Variants in ARFGAP3 observed in about 807,000 individuals in gnomAD.
ARFGAP3 encodes ARF GTPase activating protein 3, also known as ADP-ribosylation factor GTPase-activating protein 3.
ARFGAP3 carries 72 observed loss-of-function variants against 75.0 expected under a neutral mutation model. The observed-to-expected ratio is 0.96, with a 90% confidence interval of 0.79 to 1.17. The LOEUF is 1.17. Among genes scored for constraint, ARFGAP3 ranks in the 50% most tolerant of loss-of-function variants. The pLI, the probability that ARFGAP3 is intolerant of heterozygous loss-of-function variation, is 0.00. For synonymous variants in ARFGAP3, 221 were observed against 217.9 expected (o/e 1.01, Z -0.13); for missense variants, 620 against 626.6 (o/e 0.99, Z 0.11).
Position 42,847,531 on chromosome 22 carries a change from A to G in ARFGAP3, c.171T>C (p.Val57=), listed in dbSNP as rs140094590. Reference sequence around the variant, plus strand: ...TCACTTACCGAATAAAACTCAAGTGAACACCAAGTGACCGGTGGGACCCTG... The same window carrying G: ...TCACTTACCGAATAAAACTCAAGTGGACACCAAGTGACCGGTGGGACCCTG... ...DCSGSHRSLG[V]HLSFIRSTEL... Residue 57 remains valine, a synonymous_variant, in exon 2 of 16, where the codon GTT becomes GTC. Transcript: ENST00000263245. 6.2e-7 allele frequency: 1 copy of G among 1,613,274 alleles called. No homozygotes were observed. Among genetic ancestry groups the G allele is most frequent in the African/African-American group, 1.3e-5 (1 of 74,902 alleles).
intron 6 of ARFGAP3, among the ~76,000 whole-genome samples, chr22:42,827,452 C>T (rs1190923358): frequency 3.3e-5 from 5 of 152,144 alleles, no homozygotes; most frequent in African/African-American, 9.7e-5. Flanking sequence ...CTGCAACCTT[C>T]GCCTCCCGGG....
intron 9 of ARFGAP3, among the ~76,000 whole-genome samples, chr22:42,820,646 T>C (rs1301500751): frequency 6.6e-6 from 1 of 152,100 alleles, no homozygotes; most frequent in Non-Finnish European, 1.5e-5. Flanking sequence ...ACAGATAAAA[T>C]ACACATGAAA....
intron 6 of ARFGAP3, among the ~76,000 whole-genome samples, chr22:42,829,064 C>T (rs1437275451): frequency 1.3e-5 from 2 of 152,134 alleles, no homozygotes; most frequent in Non-Finnish European, 2.9e-5. Context: ...AGATATATAA[C>T]GCACTGTTCC....
At chr22:42,843,003 T>G (rs1200236151) in intron 2 of ARFGAP3, among the ~76,000 whole-genome samples, 2 of 151,998 alleles carry the variant, frequency 1.3e-5, no homozygotes, top group Admixed American at 6.6e-5. Context: ...CACCCTCACT[T>G]TCAAGAGAAG....
intron 11 of ARFGAP3, among the ~76,000 whole-genome samples, chr22:42,815,775 A>G (rs1443467719): frequency 1.3e-5 from 2 of 152,100 alleles, no homozygotes; most frequent in East Asian, 3.9e-4. Context: ...TGCTAACCCA[A>G]AGGTGGTCCT....
intron 9 of ARFGAP3, 171 bp from the exon 10 acceptor site, chr22:42,818,028 C>T (rs908396480): frequency 7.6e-6 from 4 of 523,332 alleles, no homozygotes; most frequent in African/African-American, 2.1e-5. Flanking sequence ...TTTGAACAGA[C>T]GTTTAAGAAA....
intron 11 of ARFGAP3, among the ~76,000 whole-genome samples, chr22:42,813,737 T>C (rs1488597743): frequency 6.6e-6 from 1 of 152,090 alleles, no homozygotes; most frequent in African/African-American, 2.4e-5. Flanking sequence ...GACTGGCAAC[T>C]CACTAAGAGG....
intron 2 of ARFGAP3, among the ~76,000 whole-genome samples, chr22:42,846,651 T>C (rs976813472): frequency 1.1e-4 from 16 of 152,238 alleles, no homozygotes; most frequent in South Asian, 4.1e-4. Flanking sequence ...CTTTGTGATA[T>C]TAGTGTCCTT....
intron 6 of ARFGAP3, among the ~76,000 whole-genome samples, chr22:42,830,324 C>T (rs1474567468): frequency 6.6e-6 from 1 of 152,118 alleles, no homozygotes. Flanking sequence ...CTCTGGGACA[C>T]AGCTGAGTGC....
intron 6 of ARFGAP3, among the ~76,000 whole-genome samples, chr22:42,829,956 C>T (rs1243836793): frequency 6.6e-6 from 1 of 152,200 alleles, no homozygotes; most frequent in Non-Finnish European, 1.5e-5. Flanking sequence ...CATCAAATAA[C>T]CCATTGTTAC....
Position 42,834,241 on chromosome 22 carries a change from C to A in ARFGAP3, c.477+1G>T. On this transcript the variant is annotated splice_donor_variant, in intron 5 of 15. Transcript: ENST00000263245. LOFTEE classifies it high-confidence loss of function. ...AAAATGATGTGAAGCATAATACATA[C>A]CTCAGGAGAAACGTGAGAGGCAAAA... is the stretch of plus-strand genomic sequence containing the variant. 1 of 1,613,614 alleles carries A rather than the reference C, an allele frequency of 6.2e-7. No individual in the cohort carries two copies. Among genetic ancestry groups the A allele is most frequent in the Non-Finnish European group, 8.5e-7 (1 of 1,179,712 alleles).
chr22:42,807,575 G>A (rs1301944041), intron 13 of ARFGAP3, among the ~76,000 whole-genome samples: 1 of 152,174 alleles, frequency 6.6e-6, no homozygotes, highest in Non-Finnish European at 1.5e-5. Context: ...TGGACTGTGG[G>A]AACAGCAAGG....
At chr22:42,853,489 C>A in intron 1 of ARFGAP3, 1 of 218,592 alleles carries the variant, frequency 4.6e-6, no homozygotes, top group South Asian at 8.0e-5. Flanking sequence ...ATCAAGGTGC[C>A]ACCTCTGAAA....
intron 11 of ARFGAP3, among the ~76,000 whole-genome samples, chr22:42,814,892 G>C (rs1925512603): frequency 6.6e-6 from 1 of 152,074 alleles, no homozygotes; most frequent in Non-Finnish European, 1.5e-5. Context: ...TGTCCACCAT[G>C]CTAGGCTAAT....
At chr22:42,831,341 GT>G (rs150841532) in intron 6 of ARFGAP3, among the ~76,000 whole-genome samples, 12,579 of 140,814 alleles carry the variant, frequency 0.089, 642 homozygotes, top group Non-Finnish European at 0.12. Flanking sequence ...TTAGGTTTCA[GT>G]TTTTTTTTTT....
In ARFGAP3 at chr22:42,810,030, T is replaced by C. The variant is rs570768865; in HGVS notation, c.1196+783A>G. ...AAAAAAAAAAAAAAAAAAAAAAAAT[T>C]GGGGAAAAAGGTGAAACCTTCCTGA... On this transcript the variant is annotated intron_variant, in intron 12 of 15. Transcript: ENST00000263245. Among the ~76,000 whole-genome samples, 236 of 132,908 alleles carry C rather than the reference T, an allele frequency of 1.8e-3. 2 individuals are homozygous for C. Among genetic ancestry groups the C allele is most frequent in the African/African-American group, 6.5e-3 (225 of 34,688 alleles). The allele number at this position is 132,908 out of a possible 152,430, so 87.2% of individuals were successfully genotyped here. A position where few individuals can be genotyped will look rare whatever the true frequency, so the allele number is the denominator to read the frequency against.
At chr22:42,799,182 T>C in intron 14 of ARFGAP3, 22 bp from the exon 15 acceptor site, 1 of 1,612,636 alleles carries the variant, frequency 6.2e-7, no homozygotes, top group Non-Finnish European at 8.5e-7. Context: ...CAGCAGACAC[T>C]GTCTCATCAC....
intron 5 of ARFGAP3, among the ~76,000 whole-genome samples, chr22:42,833,767 T>C (rs947328524): frequency 2.0e-5 from 3 of 151,882 alleles, no homozygotes; most frequent in Non-Finnish European, 4.4e-5. Context: ...AAAAAAAATA[T>C]TAGCTGGGTG....
rs199746732 is a variant in ARFGAP3 at position 42,835,394 on chromosome 22, C to T, written c.361G>A (p.Ala121Thr). Residue 121 changes from alanine (A) to threonine (T), a missense_variant, in exon 4 of 16, where the codon GCC (alanine) becomes ACC (threonine). By Grantham distance (58) the Ala-to-Thr change is moderately conservative (BLOSUM62 0). Transcript: ENST00000263245. The part of the protein sequence containing the change: ...QLYREKIKSL[A>T]SQATRKHGTD... ...CCATGCTTCCGTGTTGCTTGAGAGGCGAGCGATTTGATTTTCTCCCTATAG... is the reference window on the plus strand; with the variant it reads ...CCATGCTTCCGTGTTGCTTGAGAGGTGAGCGATTTGATTTTCTCCCTATAG... 16 of 1,614,078 alleles carry T rather than the reference C, an allele frequency of 9.9e-6. No individual in the cohort carries two copies. The highest frequency in any genetic ancestry group is 1.7e-5 in the Admixed American group (1 of 60,022).
Sources: allele counts gnomAD v4.1 joint callset (sites outside exome capture counted in the v4.1 genomes callset), GRCh38; gene constraint gnomAD v4.1.1; transcripts MANE v1.5; gene names NCBI Gene and HGNC (gene_info 2026-07-23, HGNC 2026-07-21).